The following SLC25A30 variants were observed in gnomAD, a reference collection of about 807,000 sequenced individuals.
SLC25A30 encodes the protein kidney mitochondrial carrier protein 1.
Under a neutral mutation model 42.7 loss-of-function variants are expected in SLC25A30, and 29 were observed. That is an observed-to-expected ratio of 0.68 (90% CI 0.51 to 0.93). The LOEUF (loss-of-function observed/expected upper bound fraction) is 0.93. Among genes scored for constraint, SLC25A30 ranks in the 40% least tolerant of loss-of-function variants. The pLI is 0.00. For synonymous variants in SLC25A30, 124 were observed against 131.0 expected (o/e 0.95, Z 0.37); for missense variants, 300 against 359.7 (o/e 0.83, Z 1.34).
At chr13:45,424,116 AAT>A in the SLC25A30 span, among the ~76,000 whole-genome samples, 641 of 85,046 alleles carry the variant, frequency 7.5e-3, 10 homozygotes, top group Non-Finnish European at 0.011. Flanking sequence ...AATATATATA[AAT>A]ATATATAAAT....
At chr13:45,423,086 A>C (rs775189934), upstream of SLC25A30, among the ~76,000 whole-genome samples, 6 of 152,084 alleles carry the variant, frequency 3.9e-5, no homozygotes, top group Non-Finnish European at 8.8e-5. Context: ...AGTCTTGCTC[A>C]CTACTGTATT....
chr13:45,399,471 A>C (rs1881710817), intron 7 of SLC25A30, among the ~76,000 whole-genome samples: 1 of 152,188 alleles, frequency 6.6e-6, no homozygotes, highest in South Asian at 2.1e-4. Flanking sequence ...GGCCTCCCAA[A>C]GTGCTGGGAT....
chr13:45,430,986 A>G, the SLC25A30 span, among the ~76,000 whole-genome samples: 6 of 151,836 alleles, frequency 4.0e-5, no homozygotes, highest in African/African-American at 1.5e-4. Flanking sequence ...ACTCTACCCA[A>G]TGGTCCCACC....
chr13:45,402,365 C>A lies in SLC25A30; in HGVS notation c.399G>T (p.Arg133=), dbSNP rs368265015. 5 of 1,613,396 alleles carry A rather than the reference C, an allele frequency of 3.1e-6. No individual in the cohort carries two copies. Among genetic ancestry groups the A allele is most frequent in the Non-Finnish European group, 4.2e-6 (5 of 1,179,498 alleles). ...IANPTDVLKI[R]MQAQSNTIQG... is the part of the protein sequence containing the mutation. ...GAATGGTGTTGCTTTGCGCTTGCAT[C>A]CGAATCTAGAGATTATTTTAAAGAC... is the stretch of plus-strand genomic sequence containing the variant. The change falls in exon 6 of 10, where the codon CGG becomes CGT. Residue 133 remains arginine (R), a synonymous_variant. Coordinates refer to ENST00000519676, the MANE Select transcript of SLC25A30 (RefSeq NM_001010875.4).
chr13:45,430,283 A>G, the SLC25A30 span, among the ~76,000 whole-genome samples: 1 of 152,098 alleles, frequency 6.6e-6, no homozygotes, highest in Non-Finnish European at 1.5e-5. Flanking sequence ...TGTGAGGATG[A>G]GTGATAGGAG....
the SLC25A30 span, among the ~76,000 whole-genome samples, chr13:45,427,930 C>A: frequency 1.3e-5 from 2 of 151,736 alleles, no homozygotes; most frequent in African/African-American, 2.4e-5. Flanking sequence ...TTAGTAGAAA[C>A]GGGGGTTTCA....
chr13:45,425,239 C>A, the SLC25A30 span, among the ~76,000 whole-genome samples: 1 of 99,578 alleles, frequency 1.0e-5, no homozygotes, highest in Non-Finnish European at 1.8e-5. Flanking sequence ...AATATTTATA[C>A]ATATATAAAT....
At position 45,411,385 on chromosome 13, in the gene SLC25A30, A is replaced by C. The variant is rs1883011959; in HGVS notation, c.41T>G (p.Leu14Arg). ...LNWKPFVYGG[L>R]ASITAECGTF... is the part of the protein sequence containing the mutation. ...ACCGCACTCAGCAGTGATGGAGGCC[A>C]GCCCCCCGTACACAAACGGCTTCCA... The change falls in exon 2 of 10, where the codon CTG becomes CGG. Residue 14 changes from leucine (L) to arginine (R), a missense_variant. By Grantham distance (102) the Leu-to-Arg change is moderately radical. Coordinates refer to ENST00000519676, the MANE Select transcript of SLC25A30 (RefSeq NM_001010875.4). 6.2e-7 allele frequency: 1 copy of C among 1,614,000 alleles called. No individual in the cohort carries two copies. The highest frequency in any genetic ancestry group is 1.3e-5 in the African/African-American group (1 of 74,930).
chr13:45,403,936 C>CAA (rs34588071), intron 5 of SLC25A30, among the ~76,000 whole-genome samples: 4 of 80,726 alleles, frequency 5.0e-5, no homozygotes, highest in South Asian at 4.3e-4. Context: ...GACTCCATCT[C>CAA]AAAAAAAAAA....
chr13:45,399,489 A>T (rs1218432021), intron 7 of SLC25A30, among the ~76,000 whole-genome samples: 1 of 152,132 alleles, frequency 6.6e-6, no homozygotes. Context: ...GATTACAGGC[A>T]TGAGCCACCA....
intron 1 of SLC25A30, among the ~76,000 whole-genome samples, chr13:45,417,316 T>G (rs1883620328): frequency 6.6e-6 from 1 of 152,194 alleles, no homozygotes; most frequent in Non-Finnish European, 1.5e-5. Flanking sequence ...CAGCCGTTTC[T>G]CTTATTTAAT....
At chr13:45,414,101 A>G (rs756584185) in intron 1 of SLC25A30, among the ~76,000 whole-genome samples, 1 of 152,236 alleles carries the variant, frequency 6.6e-6, no homozygotes, top group Non-Finnish European at 1.5e-5. Context: ...CTCCTGGATC[A>G]GCATCCTATA....
At chr13:45,409,205 G>A in intron 2 of SLC25A30, 131 bp from the exon 3 acceptor site, 1 of 646,290 alleles carries the variant, frequency 1.5e-6, no homozygotes, top group Non-Finnish European at 2.3e-6. Context: ...ATGGCACTTT[G>A]CAATCTTGTT....
the SLC25A30 span, among the ~76,000 whole-genome samples, chr13:45,423,768 A>ATATATAT: frequency 2.5e-5 from 2 of 78,986 alleles, no homozygotes; most frequent in Non-Finnish European, 4.2e-5. Context: ...AAATATATAA[A>ATATATAT]AATATATAAA....
In SLC25A30 at chr13:45,394,093, G is replaced by A. The variant is rs1467703867; in HGVS notation, c.*1881C>T. 1 of 985,208 alleles carries A rather than the reference G, an allele frequency of 1.0e-6. No individual in the cohort carries two copies. Among genetic ancestry groups the A allele is most frequent in the Non-Finnish European group, 1.2e-6 (1 of 829,922 alleles). 61.0% of individuals were successfully genotyped at this position (985,208 alleles called of 1,614,324 possible). On this transcript the variant is annotated 3_prime_UTR_variant, in exon 10 of 10. Transcript: ENST00000519676. ...CTTTATAAAATCAATGGAATGTTTTGGAAAGAAGAAAAAATCCTAAGGTGT... is the reference window on the plus strand; with the variant it reads ...CTTTATAAAATCAATGGAATGTTTTAGAAAGAAGAAAAAATCCTAAGGTGT...
At chr13:45,397,449 T>C (rs1476561158) in intron 8 of SLC25A30, 111 bp from the exon 9 acceptor site, 2 of 713,834 alleles carry the variant, frequency 2.8e-6, no homozygotes, top group East Asian at 5.5e-5. Flanking sequence ...TCCCAGCACT[T>C]TGGGAGGCCG....
At chr13:45,408,891 G>T (rs751958411) in intron 3 of SLC25A30, 36 bp downstream of exon 3, 2 of 1,572,450 alleles carry the variant, frequency 1.3e-6, no homozygotes, top group South Asian at 1.2e-5. Context: ...GTGAAACAGT[G>T]AACAGTGACA....
the SLC25A30 span, among the ~76,000 whole-genome samples, chr13:45,423,800 ATTT>A: frequency 1.7e-4 from 11 of 63,524 alleles, 1 homozygote; most frequent in African/African-American, 6.5e-4. Flanking sequence ...ATAAATATAT[ATTT>A]ATATATATAA....
At chr13:45,426,654 G>T in the SLC25A30 span, among the ~76,000 whole-genome samples, 4 of 152,090 alleles carry the variant, frequency 2.6e-5, no homozygotes, top group Admixed American at 2.6e-4. Flanking sequence ...ATTTGTAGCA[G>T]AAGCAACTGT....
Sources: gnomAD v4.1 joint callset for allele counts (sites outside exome capture counted in the v4.1 genomes callset) on GRCh38, gnomAD v4.1.1 for gene constraint, MANE v1.5 for transcripts, NCBI Gene and HGNC (gene_info 2026-07-23, HGNC 2026-07-21) for gene names.